LUZP2: variants seen among roughly 807,000 people sequenced by gnomAD.
The protein encoded by LUZP2 is leucine zipper protein 2.
Under a neutral mutation model 51.6 loss-of-function variants are expected in LUZP2, and 52 were observed. That is an observed-to-expected ratio of 1.01 (90% CI 0.81 to 1.27). The LOEUF (loss-of-function observed/expected upper bound fraction) is 1.27. Ranked by LOEUF, LUZP2 falls within the 50% of genes most tolerant of loss-of-function variation. The probability of loss-of-function intolerance (pLI) is 0.00; values close to 1 mark genes in which losing one functional copy is unlikely to be tolerated. For missense variants in LUZP2, 436 were observed against 395.4 expected, an observed-to-expected ratio of 1.10 and a Z score of -0.87; for synonymous variants, 154 against 137.3, an observed-to-expected ratio of 1.12 and a Z score of -0.85.
intron 7 of LUZP2, among the ~76,000 whole-genome samples, chr11:24,928,440 G>C (rs189953535): frequency 3.0e-4 from 45 of 152,098 alleles, no homozygotes; most frequent in Admixed American, 5.2e-4. Context: ...ATCATAAAGG[G>C]ATGCTGGATT....
At chr11:24,863,519 G>T (rs892141202) in intron 5 of LUZP2, among the ~76,000 whole-genome samples, 2 of 151,440 alleles carry the variant, frequency 1.3e-5, no homozygotes, top group Non-Finnish European at 2.9e-5. Context: ...CAGACAAAAA[G>T]TATATTTGAA....
chr11:24,600,305 A>G (rs944851134), intron 1 of LUZP2, among the ~76,000 whole-genome samples: 1 of 152,114 alleles, frequency 6.6e-6, no homozygotes, highest in Admixed American at 6.6e-5. Context: ...AGGATTATAC[A>G]GCTGCAAGAT....
chr11:25,051,325 T>A (rs2403998), intron 10 of LUZP2, among the ~76,000 whole-genome samples: 78,290 of 149,256 alleles, frequency 0.52, 21,028 homozygotes, highest in African/African-American at 0.6. Context: ...TCAAAAAAAA[T>A]AAAAAAGAAA....
intron 5 of LUZP2, among the ~76,000 whole-genome samples, chr11:24,801,755 G>GT (rs983901714): frequency 6.6e-6 from 1 of 150,810 alleles, no homozygotes; most frequent in Admixed American, 6.7e-5. Context: ...TTTATTTATT[G>GT]TTTTTTCTTA....
intron 9 of LUZP2, among the ~76,000 whole-genome samples, chr11:25,046,811 A>G (rs547172281): frequency 6.6e-6 from 1 of 152,204 alleles, no homozygotes. Context: ...CCTGTAAAGT[A>G]TAGATACAAA....
chr11:24,546,712 A>G (rs985773618), intron 1 of LUZP2, among the ~76,000 whole-genome samples: 12 of 151,954 alleles, frequency 7.9e-5, no homozygotes, highest in African/African-American at 2.7e-4. Flanking sequence ...ATGTTCATCA[A>G]AGATATTGGC....
At chr11:24,963,237 G>T (rs1235291250) in intron 7 of LUZP2, among the ~76,000 whole-genome samples, 1 of 152,238 alleles carries the variant, frequency 6.6e-6, no homozygotes, top group African/African-American at 2.4e-5. Flanking sequence ...TGAGGAGGCA[G>T]TCTGCCGGTT....
intron 1 of LUZP2, among the ~76,000 whole-genome samples, chr11:24,601,432 A>G (rs1853632579): frequency 1.3e-5 from 2 of 152,018 alleles, no homozygotes; most frequent in Admixed American, 1.3e-4. Context: ...ACTAATGCAT[A>G]TAACTATGTA....
At chr11:24,736,485 T>G (rs1362667633) in intron 3 of LUZP2, among the ~76,000 whole-genome samples, 2 of 36,890 alleles carry the variant, frequency 5.4e-5, no homozygotes, top group Admixed American at 4.5e-4. Flanking sequence ...CCTTCCTTCC[T>G]TCCTTCCTTC....
chr11:24,856,311 T>A (rs894905910), intron 5 of LUZP2, among the ~76,000 whole-genome samples: 1 of 151,874 alleles, frequency 6.6e-6, no homozygotes, highest in Non-Finnish European at 1.5e-5. Flanking sequence ...GACATACAAA[T>A]GGACAAAAAG....
At chr11:24,551,954 TAAAC>T (rs1005705409) in intron 1 of LUZP2, among the ~76,000 whole-genome samples, 23 of 151,776 alleles carry the variant, frequency 1.5e-4, no homozygotes, top group African/African-American at 5.3e-4. Context: ...AACTACAACA[TAAAC>T]AAAACTCAGG....
chr11:24,758,074 G>A (rs916022582), intron 4 of LUZP2, among the ~76,000 whole-genome samples: 1 of 151,952 alleles, frequency 6.6e-6, no homozygotes, highest in Non-Finnish European at 1.5e-5. Flanking sequence ...ATTTATTATT[G>A]CAAATCAATT....
At chr11:24,614,770 C>G (rs1256463982) in intron 1 of LUZP2, among the ~76,000 whole-genome samples, 1 of 151,988 alleles carries the variant, frequency 6.6e-6, no homozygotes, top group Admixed American at 6.6e-5. Flanking sequence ...TCTTCCTGTT[C>G]CTGTCCATTA....
rs1565122330 is a variant in LUZP2, at chr11:24,760,025, G to A, written c.334-3221G>A. Among the ~76,000 whole-genome samples the A allele has an allele frequency of 4.6e-5, 7 of 152,258 alleles. No individual in the cohort carries two copies. The South Asian group carries it at 1.5e-3, about 32-fold the overall frequency. ...TACATTGGTTTGGTCCAGAAAGGCA[G>A]GACAACTTGAAGTGGTGGGGAGCCA... On this transcript the variant is annotated intron_variant, in intron 4 of 11. Transcript: ENST00000336930.
At chr11:24,951,917 A>T (rs1232228614) in intron 7 of LUZP2, among the ~76,000 whole-genome samples, 2 of 151,742 alleles carry the variant, frequency 1.3e-5, no homozygotes, top group Admixed American at 6.6e-5. Context: ...TTGGAGGATG[A>T]GGTCTCTATT....
At chr11:24,904,960 A>C (rs1853401498) in intron 5 of LUZP2, among the ~76,000 whole-genome samples, 1 of 152,198 alleles carries the variant, frequency 6.6e-6, no homozygotes, top group Non-Finnish European at 1.5e-5. Context: ...GATTAGAAGT[A>C]GCTATGCTTA....
intron 5 of LUZP2, among the ~76,000 whole-genome samples, chr11:24,810,941 C>A (rs950730322): frequency 1.3e-5 from 2 of 152,084 alleles, no homozygotes; most frequent in African/African-American, 4.8e-5. Flanking sequence ...CCCATTAGGT[C>A]TTCTCTTTAA....
intron 1 of LUZP2, among the ~76,000 whole-genome samples, chr11:24,508,309 G>T (rs560203460): frequency 7.2e-5 from 11 of 151,976 alleles, no homozygotes; most frequent in Admixed American, 5.9e-4. Flanking sequence ...ATGCCCTTCC[G>T]CAAATAAATA....
At chr11:25,065,485 G>A (rs961171712) in intron 10 of LUZP2, among the ~76,000 whole-genome samples, 9 of 151,854 alleles carry the variant, frequency 5.9e-5, no homozygotes, top group African/African-American at 1.9e-4. Flanking sequence ...TTAAAAATAC[G>A]AAAATTGAGA....
Sources: gnomAD v4.1 joint callset for allele counts (sites outside exome capture counted in the v4.1 genomes callset) on GRCh38, gnomAD v4.1.1 for gene constraint, MANE v1.5 for transcripts, NCBI Gene and HGNC (gene_info 2026-07-23, HGNC 2026-07-21) for gene names.